The following STX8 variants were observed in gnomAD, a reference collection of about 807,000 sequenced individuals.
The protein encoded by STX8 is syntaxin 8, also known as syntaxin-8.
In STX8, 23 loss-of-function variants were observed where a neutral mutation model predicts 37.5. That is an observed-to-expected ratio of 0.61 (90% CI 0.44 to 0.87). The LOEUF (loss-of-function observed/expected upper bound fraction) is 0.87. STX8 is among the 40% of genes least tolerant of loss of function. The pLI is 0.00. For missense variants in STX8, 313 were observed against 284.7 expected (o/e 1.10, Z -0.71); for synonymous variants, 115 against 99.1 (o/e 1.16, Z -0.95).
At chr17:9,496,861 G>A (rs1018042782) in intron 5 of STX8, among the ~76,000 whole-genome samples, 3 of 152,080 alleles carry the variant, frequency 2.0e-5, no homozygotes, top group Non-Finnish European at 4.4e-5. Flanking sequence ...AAAAGTAAGG[G>A]AACGAATTCT....
At chr17:9,375,684 C>T (rs1233546986) in intron 7 of STX8, among the ~76,000 whole-genome samples, 1 of 152,150 alleles carries the variant, frequency 6.6e-6, no homozygotes, top group Non-Finnish European at 1.5e-5. Context: ...AAAGTCATTG[C>T]AGTAATGGCA....
chr17:9,324,765 CAAAAAAAA>C (rs534392223), intron 7 of STX8, among the ~76,000 whole-genome samples: 4 of 45,944 alleles, frequency 8.7e-5, no homozygotes, highest in Admixed American at 2.4e-4. Context: ...AACTCCATCT[CAAAAAAAA>C]AAAAAAAAAA....
intron 4 of STX8, among the ~76,000 whole-genome samples, chr17:9,542,634 G>A (rs1045113135): frequency 6.6e-6 from 1 of 151,950 alleles, no homozygotes; most frequent in Non-Finnish European, 1.5e-5. Context: ...CCAAGATTGC[G>A]CCACTGCACT....
intron 7 of STX8, among the ~76,000 whole-genome samples, chr17:9,329,050 C>CAAA (rs998679728): frequency 0.052 from 1,460 of 27,880 alleles, 254 homozygotes; most frequent in East Asian, 0.11. Flanking sequence ...GATTCCATCT[C>CAAA]AAAAAAAAAA....
chr17:9,370,625 A>G (rs1911373598), intron 7 of STX8, among the ~76,000 whole-genome samples: 1 of 152,166 alleles, frequency 6.6e-6, no homozygotes, highest in Non-Finnish European at 1.5e-5. Flanking sequence ...ACACTACTAA[A>G]ATCACAATAA....
chr17:9,429,734 ATTATATATTATATATATTATATT>A lies in STX8; in HGVS notation c.542-51104_542-51082del, dbSNP rs1337086524. On this transcript the variant is annotated intron_variant, in intron 6 of 7. Transcript: ENST00000306357. ...ATATATATTATATATTTTATATTAT[ATTATATATTATATATATTATATT>A]TTATATATTATATATAACATATATA... Among the ~76,000 whole-genome samples, 13 of 31,570 alleles carry A rather than the reference ATTATATATTATATATATTATATT, an allele frequency of 4.1e-4. 1 individual carries two copies. The highest frequency in any genetic ancestry group is 6.6e-4 in the Non-Finnish European group (9 of 13,572). 20.7% of individuals were successfully genotyped at this position (31,570 alleles called of 152,430 possible).
intron 2 of STX8, among the ~76,000 whole-genome samples, chr17:9,566,339 CTT>C (rs1907459141): frequency 6.6e-6 from 1 of 152,210 alleles, no homozygotes; most frequent in Non-Finnish European, 1.5e-5. Flanking sequence ...AAAAGGAACA[CTT>C]ATACACTGTT....
At chr17:9,378,485 G>C in intron 7 of STX8, 67 bp downstream of exon 7, 1 of 1,402,910 alleles carries the variant, frequency 7.1e-7, no homozygotes, top group Non-Finnish European at 1.0e-6. Flanking sequence ...AGACAAACAG[G>C]AAACTCAGAG....
intron 4 of STX8, among the ~76,000 whole-genome samples, chr17:9,514,333 G>A (rs1008538448): frequency 9.2e-5 from 14 of 151,980 alleles, no homozygotes; most frequent in African/African-American, 2.9e-4. Context: ...GGCTGGGTGC[G>A]GTGGCTCACA....
intron 7 of STX8, among the ~76,000 whole-genome samples, chr17:9,266,737 C>G (rs1444999372): frequency 2.0e-5 from 3 of 151,982 alleles, no homozygotes; most frequent in Non-Finnish European, 4.4e-5. Flanking sequence ...GTGACATGGA[C>G]TATATATAAC....
In STX8 at chr17:9,400,457, T is replaced by C. The variant is rs1567544673; in HGVS notation, c.542-21804A>G. On this transcript the variant is annotated intron_variant, in intron 6 of 7. Coordinates refer to ENST00000306357, the MANE Select transcript of STX8 (RefSeq NM_004853.3). ...TCTCGCGCTGTCACGCAGGCTGGAGTGCAATGGTGCAATCTCGGCTCACTG... is the reference window on the plus strand; with the variant it reads ...TCTCGCGCTGTCACGCAGGCTGGAGCGCAATGGTGCAATCTCGGCTCACTG... Among the ~76,000 whole-genome samples, 6 of 150,282 alleles carry C rather than the reference T, an allele frequency of 4.0e-5. No homozygotes were observed. In the Admixed American group the frequency reaches 4.0e-4, roughly 10 times the overall value.
chr17:9,508,737 G>C (rs529116982), intron 4 of STX8, among the ~76,000 whole-genome samples: 1 of 152,292 alleles, frequency 6.6e-6, no homozygotes, highest in Admixed American at 6.5e-5. Flanking sequence ...ACACTATTAA[G>C]TGAACAAATA....
intron 7 of STX8, among the ~76,000 whole-genome samples, chr17:9,327,433 A>C (rs918402249): frequency 1.3e-5 from 2 of 152,124 alleles, no homozygotes; most frequent in Non-Finnish European, 2.9e-5. Context: ...CCAAAGACTC[A>C]GGGAAAACTG....
chr17:9,411,414 G>C lies in STX8; in HGVS notation c.542-32761C>G, dbSNP rs534353553. Among the ~76,000 whole-genome samples, 13 of 152,310 alleles carry C rather than the reference G, an allele frequency of 8.5e-5. No individual in the cohort carries two copies. The South Asian group carries it at 2.7e-3, about 32-fold the overall frequency. On this transcript the variant is annotated intron_variant, in intron 6 of 7. Coordinates refer to ENST00000306357, the MANE Select transcript of STX8 (RefSeq NM_004853.3). Reference sequence around the variant, plus strand: ...AGATCTGAAAAAAGCCTTTGTTGTAGCATGAAGACTCTAAAATCCCTGGCT... The same window carrying C: ...AGATCTGAAAAAAGCCTTTGTTGTACCATGAAGACTCTAAAATCCCTGGCT...
chr17:9,446,413 C>T (rs9906854), intron 6 of STX8, among the ~76,000 whole-genome samples: 113,324 of 152,072 alleles, frequency 0.75, 42,854 homozygotes, highest in Non-Finnish European at 0.81. Context: ...ACAAACATAA[C>T]TGCACCATTT....
chr17:9,442,684 A>C (rs1904710076), intron 6 of STX8, among the ~76,000 whole-genome samples: 1 of 152,196 alleles, frequency 6.6e-6, no homozygotes, highest in Non-Finnish European at 1.5e-5. Context: ...CTGGGATTAC[A>C]GGAACAAGCC....
chr17:9,426,678 T>C lies in STX8; in HGVS notation c.542-48025A>G, dbSNP rs568745499. ...CAGGAGGCTGAGGTGGGAGGATCGC[T>C]TGAGCCTGGGAGGTAGAGGCTGCAG... On this transcript the variant is annotated intron_variant, in intron 6 of 7. Coordinates refer to ENST00000306357, the MANE Select transcript of STX8 (RefSeq NM_004853.3). Among the ~76,000 whole-genome samples the C allele has an allele frequency of 4.0e-5, 6 of 151,864 alleles. No individual in the cohort carries two copies. In the East Asian group the frequency reaches 1.2e-3, roughly 29 times the overall value.
chr17:9,491,802 T>C, intron 6 of STX8, 27 bp downstream of exon 6: 1 of 1,580,640 alleles, frequency 6.3e-7, no homozygotes, highest in East Asian at 2.2e-5. Flanking sequence ...CAACGGCAAA[T>C]CTGGTCAATC....
chr17:9,523,311 C>CAA (rs34297134), intron 4 of STX8, among the ~76,000 whole-genome samples: 220 of 123,232 alleles, frequency 1.8e-3, no homozygotes, highest in East Asian at 0.011. Context: ...GACTCCATCT[C>CAA]AAAAAAAAAA....
Sources: gnomAD v4.1 joint callset for allele counts (sites outside exome capture counted in the v4.1 genomes callset) on GRCh38, gnomAD v4.1.1 for gene constraint, MANE v1.5 for transcripts, NCBI Gene and HGNC (gene_info 2026-07-23, HGNC 2026-07-21) for gene names.